The following MACROD2 variants were observed in gnomAD, a reference collection of about 807,000 sequenced individuals.
MACROD2 encodes the protein mono-ADP ribosylhydrolase 2, also known as ADP-ribose glycohydrolase MACROD2.
Under a neutral mutation model 70.4 loss-of-function variants are expected in MACROD2, and 36 were observed. The ratio of observed to expected loss-of-function variants is 0.51; its 90% confidence interval spans 0.39 to 0.68. The LOEUF is 0.68. MACROD2 is among the 30% of genes least tolerant of loss of function. MACROD2 has a pLI of 0.00. For synonymous variants in MACROD2, 172 were observed against 178.8 expected (o/e 0.96, Z 0.30); for missense variants, 496 against 538.4 (o/e 0.92, Z 0.78).
At chr20:16,040,165 C>T (rs1049814983) in intron 15 of MACROD2, among the ~76,000 whole-genome samples, 3 of 151,910 alleles carry the variant, frequency 2.0e-5, no homozygotes, top group African/African-American at 4.8e-5. Context: ...TCTACCTAAG[C>T]TCAGAGCCCA....
intron 10 of MACROD2, among the ~76,000 whole-genome samples, chr20:15,929,430 T>TTATATA (rs10659686): frequency 7.3e-5 from 11 of 149,986 alleles, no homozygotes; most frequent in East Asian, 3.9e-4. Flanking sequence ...GACACTGATT[T>TTATATA]TATATATATA....
chr20:14,772,656 TG>T (rs2123772976), intron 5 of MACROD2, among the ~76,000 whole-genome samples: 1 of 152,130 alleles, frequency 6.6e-6, no homozygotes, highest in East Asian at 1.9e-4. Flanking sequence ...GAGATTTCGG[TG>T]GGGACACAGA....
intron 3 of MACROD2, among the ~76,000 whole-genome samples, chr20:14,253,546 T>C (rs2082028622): frequency 6.6e-6 from 1 of 152,102 alleles, no homozygotes; most frequent in Non-Finnish European, 1.5e-5. Flanking sequence ...ATTGTTAATA[T>C]TTTCATAAAA....
chr20:14,748,612 A>G (rs2071829949), intron 5 of MACROD2, among the ~76,000 whole-genome samples: 1 of 152,164 alleles, frequency 6.6e-6, no homozygotes, highest in Admixed American at 6.5e-5. Flanking sequence ...ACTTAAATGT[A>G]TCATTGCTTA....
rs1038371257 is a variant in MACROD2 at position 15,060,889 on chromosome 20, G to T, written c.419-169051G>T. Among the ~76,000 whole-genome samples, 5 of 152,180 alleles carry T rather than the reference G, an allele frequency of 3.3e-5. 1 individual carries two copies. The highest frequency in any genetic ancestry group is 5.9e-5 in the Non-Finnish European group (4 of 68,042). ...TCTTGAGAATAACAATCCCATCTGA[G>T]AGAAAAGCTCATACACAATGAAGCC... On this transcript the variant is annotated intron_variant, in intron 5 of 17. Coordinates refer to ENST00000684519, the MANE Select transcript of MACROD2 (RefSeq NM_001351661.2).
chr20:15,603,265 G>A (rs907681862), intron 8 of MACROD2, among the ~76,000 whole-genome samples: 9 of 151,916 alleles, frequency 5.9e-5, no homozygotes, highest in South Asian at 4.2e-4. Context: ...TTGGGAGGCC[G>A]AAGCAGGTGG....
At chr20:15,680,447 G>T (rs2050145608) in intron 8 of MACROD2, among the ~76,000 whole-genome samples, 1 of 152,140 alleles carries the variant, frequency 6.6e-6, no homozygotes, top group African/African-American at 2.4e-5. Flanking sequence ...TGTCCTGATA[G>T]AATACCCGAC....
intron 10 of MACROD2, among the ~76,000 whole-genome samples, chr20:15,904,391 A>G (rs1416028814): frequency 6.6e-6 from 1 of 152,174 alleles, no homozygotes; most frequent in East Asian, 1.9e-4. Context: ...AAAAGAGTAA[A>G]AGCACAAAAA....
intron 8 of MACROD2, among the ~76,000 whole-genome samples, chr20:15,505,664 T>G (rs1198190225): frequency 6.6e-6 from 1 of 152,122 alleles, no homozygotes; most frequent in East Asian, 1.9e-4. Context: ...ACAGATCCCA[T>G]TGCTCTGGGC....
At chr20:15,621,966 T>C (rs1483664075) in intron 8 of MACROD2, among the ~76,000 whole-genome samples, 1 of 152,080 alleles carries the variant, frequency 6.6e-6, no homozygotes, top group East Asian at 1.9e-4. Flanking sequence ...GATTTAGATG[T>C]GGGAGGTAAA....
intron 2 of MACROD2, among the ~76,000 whole-genome samples, chr20:14,035,958 T>C (rs1046908579): frequency 1.3e-5 from 2 of 152,088 alleles, no homozygotes; most frequent in Admixed American, 6.5e-5. Flanking sequence ...CTGGCTAACA[T>C]GGTGAAACCC....
intron 8 of MACROD2, among the ~76,000 whole-genome samples, chr20:15,601,632 G>T (rs1347551496): frequency 1.3e-5 from 2 of 152,080 alleles, no homozygotes; most frequent in Non-Finnish European, 1.5e-5. Flanking sequence ...GCTCTGACTC[G>T]CCAGGTATCA....
intron 6 of MACROD2, among the ~76,000 whole-genome samples, chr20:15,302,887 T>A (rs2077660633): frequency 6.6e-6 from 1 of 152,186 alleles, no homozygotes; most frequent in Non-Finnish European, 1.5e-5. Flanking sequence ...TTAGCCATAT[T>A]TGGATGTTGT....
chr20:15,119,872 C>A (rs2076017956), intron 5 of MACROD2, among the ~76,000 whole-genome samples: 1 of 152,124 alleles, frequency 6.6e-6, no homozygotes, highest in Non-Finnish European at 1.5e-5. Context: ...ACAGTGGGGT[C>A]CTTGGTGTCA....
chr20:14,876,291 G>A (rs1412681644), intron 5 of MACROD2, among the ~76,000 whole-genome samples: 4 of 151,938 alleles, frequency 2.6e-5, no homozygotes, highest in Non-Finnish European at 5.9e-5. Flanking sequence ...GTCTGTTCAT[G>A]TCCTCGTTTC....
intron 3 of MACROD2, among the ~76,000 whole-genome samples, chr20:14,168,086 T>C (rs1348206660): frequency 6.6e-6 from 1 of 152,184 alleles, no homozygotes; most frequent in East Asian, 1.9e-4. Flanking sequence ...TATTAAGATA[T>C]TAAGCTTATA....
intron 13 of MACROD2, among the ~76,000 whole-genome samples, chr20:15,981,553 T>C (rs1856510): frequency 0.14 from 21,452 of 152,194 alleles, 1,912 homozygotes; most frequent in East Asian, 0.21. Context: ...ACAGTTTTTC[T>C]ACAAACATAA....
At chr20:14,510,190 C>T (rs754151506) in intron 4 of MACROD2, among the ~76,000 whole-genome samples, 3 of 151,938 alleles carry the variant, frequency 2.0e-5, no homozygotes, top group African/African-American at 7.2e-5. Flanking sequence ...GGAACTAGCT[C>T]AAGGTTTACA....
At chr20:14,228,338 C>CTT (rs11467676) in intron 3 of MACROD2, among the ~76,000 whole-genome samples, 6 of 143,606 alleles carry the variant, frequency 4.2e-5, no homozygotes, top group African/African-American at 1.6e-4. Context: ...AAATATTTTT[C>CTT]TTTTTTTTTT....
Sources: gnomAD v4.1 joint callset for allele counts (sites outside exome capture counted in the v4.1 genomes callset) on GRCh38, gnomAD v4.1.1 for gene constraint, MANE v1.5 for transcripts, NCBI Gene and HGNC (gene_info 2026-07-23, HGNC 2026-07-21) for gene names.